ANKAR: variants seen among roughly 807,000 people sequenced by gnomAD.
ANKAR encodes the protein ankyrin and armadillo repeat containing, also known as ankyrin and armadillo repeat-containing protein.
ANKAR carries 136 observed loss-of-function variants against 146.2 expected under a neutral mutation model. The observed-to-expected ratio is 0.93, with a 90% CI of 0.81 to 1.07. The LOEUF is 1.07. ANKAR is among the 50% of genes least tolerant of loss of function. The pLI is 0.00. For synonymous variants in ANKAR, 500 were observed against 575.8 expected (o/e 0.87, Z 1.88); for missense variants, 1,567 against 1,679.9 (o/e 0.93, Z 1.18).
chr2:189,753,013 T>C (rs749939859), intron 18 of ANKAR: 1 of 1,566,352 alleles, frequency 6.4e-7, no homozygotes, highest in Admixed American at 1.9e-5. Context: ...ATAACTATCA[T>C]ATATGGATAT....
intron 11 of ANKAR, among the ~76,000 whole-genome samples, chr2:189,720,062 A>G (rs2041051384): frequency 6.6e-6 from 1 of 152,176 alleles, no homozygotes; most frequent in South Asian, 2.1e-4. Context: ...TTTACCAATT[A>G]CAGTGCAGTG....
chr2:189,745,002 A>ACTC (rs2043864836), intron 22 of ANKAR, among the ~76,000 whole-genome samples: 1 of 78,184 alleles, frequency 1.3e-5, no homozygotes, highest in African/African-American at 3.4e-5. Flanking sequence ...TACTACTACT[A>ACTC]CTACTACTAC....
At chr2:189,742,877 CACACACACACACACACTAG>C (rs2043501348) in intron 20 of ANKAR, among the ~76,000 whole-genome samples, 2 of 126,796 alleles carry the variant, frequency 1.6e-5, no homozygotes, top group Non-Finnish European at 3.4e-5. Flanking sequence ...CACACACACA[CACACACACACACACACTAG>C]AATTACCTGA....
In ANKAR at chr2:189,752,545, CT is replaced by C. The variant is rs906491749; in HGVS notation, c.*584+7759del. 18 of 1,022,296 alleles carry C rather than the reference CT, an allele frequency of 1.8e-5. No individual in the cohort carries two copies. In the African/African-American group the frequency reaches 2.7e-4, roughly 16 times the overall value. The allele number at this position is 1,022,296 out of a possible 1,614,324, so 63.3% of individuals were successfully genotyped here. A position where few individuals can be genotyped will look rare whatever the true frequency, so the allele number is the denominator to read the frequency against. On this transcript the variant is annotated intron_variant and NMD_transcript_variant, in intron 18 of 18. Transcript: ENST00000441800. ...CATGAAAGAAATTTATGTAACTTTC[CT>C]TCAAGTACCACCAGAATGTCAATGA...
chr2:189,688,532 C>T (rs745388108), intron 2 of ANKAR, among the ~76,000 whole-genome samples: 4 of 152,076 alleles, frequency 2.6e-5, no homozygotes, highest in Non-Finnish European at 5.9e-5. Flanking sequence ...TGCAATGAAT[C>T]TGTATATTTC....
chr2:189,716,476 G>A (rs2040474352), intron 10 of ANKAR, among the ~76,000 whole-genome samples: 1 of 152,048 alleles, frequency 6.6e-6, no homozygotes, highest in Non-Finnish European at 1.5e-5. Flanking sequence ...CATGCTCATG[G>A]ATAGGAAGAA....
chr2:189,702,345 A>G (rs910271781), intron 7 of ANKAR, among the ~76,000 whole-genome samples: 3 of 152,188 alleles, frequency 2.0e-5, no homozygotes, highest in African/African-American at 7.2e-5. Flanking sequence ...ACATGAAAGC[A>G]TGGGGCCCCA....
At chr2:189,729,703 T>TGTGTGTGTGTGTGTGTGTGTGC (rs1480424151) in intron 15 of ANKAR, among the ~76,000 whole-genome samples, 16 of 146,402 alleles carry the variant, frequency 1.1e-4, no homozygotes, top group African/African-American at 3.9e-4. Context: ...TGCGTGTGTG[T>TGTGTGTGTGTGTGTGTGTGTGC]GTGTGTGTGT....
At position 189,744,759 on chromosome 2, in the gene ANKAR, G is replaced by T. The variant is rs1295600461; in HGVS notation, c.4028G>T (p.Gly1343Val). ...CCTTTTAGTCTGGAGAAGAATGGAG[G>T]ACCATCCATAATTCCTATCTTTAAA... is the stretch of plus-strand genomic sequence containing the variant. ...LPSLSLEKNG[G>V]PSIIPIFKRG... is the part of the protein sequence containing the mutation. The change falls in exon 22 of 23, where the codon GGA (glycine) becomes GTA (valine). Residue 1343 changes from glycine to valine, a missense_variant. Physicochemically the swap from Gly to Val is moderately radical, Grantham distance 109. Transcript: ENST00000684021. 6.3e-7 allele frequency: 1 copy of T among 1,595,966 alleles called. No individual in the cohort carries two copies. Among genetic ancestry groups the T allele is most frequent in the South Asian group, 1.1e-5 (1 of 90,104 alleles).
At chr2:189,760,067 G>A (rs2046765936) in intron 18 of ANKAR, among the ~76,000 whole-genome samples, 1 of 152,138 alleles carries the variant, frequency 6.6e-6, no homozygotes, top group Middle Eastern at 3.2e-3. Flanking sequence ...GAGAGCACGG[G>A]GTTGGGGGTA....
chr2:189,722,604 C>T (rs192631998), intron 12 of ANKAR, among the ~76,000 whole-genome samples: 8 of 151,816 alleles, frequency 5.3e-5, no homozygotes, highest in Admixed American at 1.3e-4. Context: ...ACTATAGCAC[C>T]GGGTGTGGTA....
At chr2:189,726,465 A>G (rs1338579478) in intron 12 of ANKAR, among the ~76,000 whole-genome samples, 3 of 152,184 alleles carry the variant, frequency 2.0e-5, no homozygotes, top group Admixed American at 6.6e-5. Flanking sequence ...CACTTTAAAA[A>G]TATTCTGGAT....
chr2:189,738,502 C>A, intron 18 of ANKAR, 63 bp from the exon 19 acceptor site: 12 of 952,082 alleles, frequency 1.3e-5, no homozygotes, highest in East Asian at 5.1e-5. Context: ...AAATGACAAA[C>A]GTGTAATTAG....
chr2:189,719,043 C>G (rs909473448), intron 10 of ANKAR, among the ~76,000 whole-genome samples: 3 of 152,174 alleles, frequency 2.0e-5, no homozygotes, highest in Admixed American at 1.3e-4. Flanking sequence ...GCCACCGCGC[C>G]CGGCCTATTT....
intron 17 of ANKAR, among the ~76,000 whole-genome samples, chr2:189,737,302 G>A (rs2042949896): frequency 3.3e-5 from 5 of 152,000 alleles, no homozygotes; most frequent in Non-Finnish European, 7.4e-5. Flanking sequence ...GAAGAAACTA[G>A]CTTTTGCTGT....
chr2:189,761,215 ACAGGATTAGT>A (rs1559177914), downstream of ANKAR: 4 of 394,606 alleles, frequency 1.0e-5, no homozygotes, highest in East Asian at 1.6e-4. Flanking sequence ...TCTTTTGGCA[ACAGGATTAGT>A]TAAGGTTGGG....
At chr2:189,700,309 CT>C (rs1436478897) in intron 7 of ANKAR, among the ~76,000 whole-genome samples, 6 of 152,158 alleles carry the variant, frequency 3.9e-5, no homozygotes, top group African/African-American at 1.4e-4. Context: ...TGCATAGTTT[CT>C]GAGGAGAACT....
At chr2:189,692,639 T>C in intron 4 of ANKAR, 1 of 403,850 alleles carries the variant, frequency 2.5e-6, no homozygotes, top group Non-Finnish European at 4.3e-6. Flanking sequence ...ATAAATAAGC[T>C]AGGTACATCT....
chr2:189,754,370 A>C (rs1156939140), intron 18 of ANKAR: 3 of 1,565,500 alleles, frequency 1.9e-6, no homozygotes, highest in South Asian at 2.4e-5. Context: ...TATTTTTTAG[A>C]GTCATAAAAT....
Sources: gnomAD v4.1 joint callset for allele counts (sites outside exome capture counted in the v4.1 genomes callset) on GRCh38, gnomAD v4.1.1 for gene constraint, MANE v1.5 for transcripts, NCBI Gene and HGNC (gene_info 2026-07-23, HGNC 2026-07-21) for gene names.